PRR16: variants seen among roughly 807,000 people sequenced by gnomAD.
The protein encoded by PRR16 is proline rich 16.
A neutral mutation model predicts 18.2 loss-of-function variants in PRR16; 6 were observed. The ratio of observed to expected loss-of-function variants is 0.33; its 90% CI spans 0.18 to 0.65. PRR16 has a LOEUF of 0.65. PRR16 is among the 30% of genes least tolerant of loss of function. The pLI is 0.74. For synonymous variants in PRR16, 151 were observed against 147.8 expected, an observed-to-expected ratio of 1.02 and a Z score of -0.16; for missense variants, 412 against 376.6, an observed-to-expected ratio of 1.09 and a Z score of -0.78.
the PRR16 span, among the ~76,000 whole-genome samples, chr5:120,724,360 G>C: frequency 6.6e-6 from 1 of 152,158 alleles, no homozygotes; most frequent in East Asian, 1.9e-4. Flanking sequence ...TGATTAATAA[G>C]TTGCTTCTCC....
chr5:120,783,588 A>ATGAG, the PRR16 span, among the ~76,000 whole-genome samples: 22 of 152,222 alleles, frequency 1.4e-4, no homozygotes, highest in African/African-American at 3.6e-4. Flanking sequence ...TTTAATTTTT[A>ATGAG]TGAGTACATA....
the PRR16 span, among the ~76,000 whole-genome samples, chr5:120,695,310 T>C: frequency 1.3e-5 from 2 of 152,194 alleles, no homozygotes; most frequent in Admixed American, 1.3e-4. Flanking sequence ...TATCAGTTAT[T>C]AGAGAATTAA....
chr5:120,532,184 C>T (rs1233834459), intron 1 of PRR16, among the ~76,000 whole-genome samples: 2 of 152,234 alleles, frequency 1.3e-5, no homozygotes, highest in East Asian at 3.9e-4. Context: ...CTTTCTTAGG[C>T]ATGATTACAC....
At chr5:120,774,574 A>C in the PRR16 span, among the ~76,000 whole-genome samples, 495 of 152,248 alleles carry the variant, frequency 3.3e-3, 3 homozygotes, top group African/African-American at 0.012. Flanking sequence ...TCTCAACCCC[A>C]ATAAAAGATT....
rs377378217 is a variant in PRR16, at chr5:120,686,100, G to T, written c.306G>T (p.Pro102=). The T allele has an allele frequency of 2.2e-5, 35 of 1,613,910 alleles. No homozygotes were observed. The highest frequency in any genetic ancestry group is 2.5e-6 in the Non-Finnish European group (3 of 1,180,012). ...LEKIKVQANA[P]LIKPPAHPSA... ...AGATCAAAGTGCAGGCTAATGCACC[G>T]CTTATTAAACCCCCAGCACACCCGT... The change falls in exon 2 of 2, where the codon CCG becomes CCT. Residue 102 remains proline, a synonymous_variant. Coordinates refer to ENST00000407149, the MANE Select transcript of PRR16 (RefSeq NM_001300783.2).
chr5:120,486,360 T>C (rs924562153), intron 1 of PRR16, among the ~76,000 whole-genome samples: 20 of 150,420 alleles, frequency 1.3e-4, no homozygotes, highest in Non-Finnish European at 2.1e-4. Context: ...TGTCAGATGG[T>C]ATCTCACTGT....
At chr5:120,644,363 C>T (rs1415339928) in intron 1 of PRR16, among the ~76,000 whole-genome samples, 1 of 152,052 alleles carries the variant, frequency 6.6e-6, no homozygotes, top group Non-Finnish European at 1.5e-5. Flanking sequence ...AAAGGAAATG[C>T]CCAAGTATGT....
chr5:120,754,215 T>A, the PRR16 span, among the ~76,000 whole-genome samples: 31 of 56,608 alleles, frequency 5.5e-4, no homozygotes, highest in African/African-American at 1.7e-3. Context: ...AAATTATATA[T>A]TATAATATAT....
intron 1 of PRR16, among the ~76,000 whole-genome samples, chr5:120,528,708 C>A (rs1751451420): frequency 6.6e-6 from 1 of 152,086 alleles, no homozygotes; most frequent in Admixed American, 6.6e-5. Flanking sequence ...AAAGTTCAGT[C>A]TGAGCATGAT....
the PRR16 span, among the ~76,000 whole-genome samples, chr5:120,791,561 A>G: frequency 6.6e-6 from 1 of 150,476 alleles, no homozygotes; most frequent in Non-Finnish European, 1.5e-5. Context: ...ATTGTTATCC[A>G]GAAGTCTGCT....
At chr5:120,749,542 C>T in the PRR16 span, among the ~76,000 whole-genome samples, 2 of 152,122 alleles carry the variant, frequency 1.3e-5, no homozygotes, top group Non-Finnish European at 2.9e-5. Flanking sequence ...TACACATTTT[C>T]AGTTCAATGA....
the PRR16 span, among the ~76,000 whole-genome samples, chr5:120,746,700 AT>A: frequency 1.3e-5 from 2 of 150,864 alleles, no homozygotes; most frequent in African/African-American, 2.4e-5. Context: ...TGACAGTGGT[AT>A]TTTTTTTTCA....
chr5:120,598,824 C>T (rs368225475), intron 1 of PRR16, among the ~76,000 whole-genome samples: 2 of 151,776 alleles, frequency 1.3e-5, no homozygotes, highest in East Asian at 1.9e-4. Context: ...TTATCCAATA[C>T]CCAGCAGTCT....
intron 1 of PRR16, among the ~76,000 whole-genome samples, chr5:120,604,207 A>G (rs560030334): frequency 6.6e-6 from 1 of 152,084 alleles, no homozygotes; most frequent in East Asian, 1.9e-4. Context: ...TAGGTCTCTA[A>G]GAACTTGTTT....
At chr5:120,573,701 T>A (rs905472899) in intron 1 of PRR16, among the ~76,000 whole-genome samples, 9 of 152,144 alleles carry the variant, frequency 5.9e-5, no homozygotes, top group African/African-American at 2.2e-4. Context: ...TTATTTTGCA[T>A]TTGTGTAATA....
the PRR16 span, among the ~76,000 whole-genome samples, chr5:120,705,738 TAGTA>T: frequency 6.6e-6 from 1 of 152,106 alleles, no homozygotes; most frequent in African/African-American, 2.4e-5. Context: ...ATATGAAAGA[TAGTA>T]AGTGTAAACA....
At chr5:120,627,182 A>G (rs1042644737) in intron 1 of PRR16, among the ~76,000 whole-genome samples, 1 of 152,126 alleles carries the variant, frequency 6.6e-6, no homozygotes, top group African/African-American at 2.4e-5. Flanking sequence ...AGTTTAGACA[A>G]CAGTCATACA....
At chr5:120,777,834 C>T in the PRR16 span, among the ~76,000 whole-genome samples, 3 of 151,990 alleles carry the variant, frequency 2.0e-5, no homozygotes, top group African/African-American at 7.2e-5. Flanking sequence ...GGAAATCATA[C>T]GTGCTATATG....
the PRR16 span, among the ~76,000 whole-genome samples, chr5:120,736,279 A>AT: frequency 1.3e-5 from 2 of 152,116 alleles, no homozygotes; most frequent in Middle Eastern, 3.4e-3. Context: ...TTTCTTTTTA[A>AT]TTTTTTTATA....
Sources: allele counts gnomAD v4.1 joint callset (sites outside exome capture counted in the v4.1 genomes callset), GRCh38; gene constraint gnomAD v4.1.1; transcripts MANE v1.5; gene names NCBI Gene and HGNC (gene_info 2026-07-23, HGNC 2026-07-21).